LRMDA: variants seen among roughly 807,000 people sequenced by gnomAD.
The protein encoded by LRMDA is leucine-rich melanocyte differentiation-associated protein.
A neutral mutation model predicts 29.8 loss-of-function variants in LRMDA; 18 were observed. The ratio of observed to expected loss-of-function variants is 0.60; its 90% CI spans 0.42 to 0.90. LRMDA has a LOEUF of 0.90. Ranked by LOEUF, LRMDA falls within the 40% of genes least tolerant of loss-of-function variation. The pLI is 0.00. For synonymous variants in LRMDA, 125 were observed against 109.4 expected (o/e 1.14, Z -0.89); for missense variants, 273 against 273.9 (o/e 1.00, Z 0.02).
intron 6 of LRMDA, among the ~76,000 whole-genome samples, chr10:76,506,318 A>G (rs1353523494): frequency 6.6e-6 from 1 of 152,064 alleles, no homozygotes; most frequent in African/African-American, 2.4e-5. Context: ...TTTATAAGTT[A>G]GCCTTCATGT....
At chr10:76,251,313 C>T (rs1242429663) in intron 5 of LRMDA, among the ~76,000 whole-genome samples, 1 of 138,952 alleles carries the variant, frequency 7.2e-6, no homozygotes, top group African/African-American at 2.7e-5. Context: ...ACTGCAGTGG[C>T]GCAATCTCGG....
chr10:76,549,071 C>A (rs573512044), intron 6 of LRMDA, among the ~76,000 whole-genome samples: 1 of 152,060 alleles, frequency 6.6e-6, no homozygotes, highest in South Asian at 2.1e-4. Context: ...AGGAACTTGC[C>A]CTGCATTTTT....
intron 6 of LRMDA, among the ~76,000 whole-genome samples, chr10:76,521,412 G>T (rs1044322674): frequency 4.6e-5 from 7 of 152,180 alleles, no homozygotes; most frequent in African/African-American, 1.7e-4. Flanking sequence ...GGGATTACAG[G>T]CGTGAGCCAC....
intron 2 of LRMDA, among the ~76,000 whole-genome samples, chr10:75,514,833 A>G (rs933099965): frequency 7.9e-5 from 12 of 151,732 alleles, no homozygotes; most frequent in African/African-American, 2.9e-4. Flanking sequence ...TTTATAAATT[A>G]CCCACCTAAC....
chr10:76,491,873 T>C (rs1842837050), intron 6 of LRMDA, among the ~76,000 whole-genome samples: 1 of 152,028 alleles, frequency 6.6e-6, no homozygotes, highest in Non-Finnish European at 1.5e-5. Context: ...TTTTTATTCT[T>C]TGTTAATCTT....
intron 5 of LRMDA, among the ~76,000 whole-genome samples, chr10:76,110,004 C>T (rs897114781): frequency 6.6e-6 from 1 of 152,124 alleles, no homozygotes; most frequent in African/African-American, 2.4e-5. Flanking sequence ...TCATTCACAT[C>T]CAGGTTTTCA....
At chr10:76,033,404 T>C (rs1215218874) in intron 2 of LRMDA, among the ~76,000 whole-genome samples, 1 of 152,210 alleles carries the variant, frequency 6.6e-6, no homozygotes, top group Non-Finnish European at 1.5e-5. Flanking sequence ...TTACCAGCTC[T>C]TCTGGGAAGT....
intron 6 of LRMDA, among the ~76,000 whole-genome samples, chr10:76,501,088 T>A (rs1842905319): frequency 1.3e-5 from 1 of 74,974 alleles, no homozygotes; most frequent in African/African-American, 3.2e-5. Context: ...TGTCTATGTG[T>A]ACTCAGTTCT....
intron 5 of LRMDA, among the ~76,000 whole-genome samples, chr10:76,172,226 C>A (rs1850852392): frequency 6.6e-6 from 1 of 152,200 alleles, no homozygotes; most frequent in Non-Finnish European, 1.5e-5. Context: ...AACACTGCCA[C>A]ATTGGGGATC....
At chr10:76,078,536 G>A (rs1041683570) in intron 5 of LRMDA, among the ~76,000 whole-genome samples, 1 of 151,790 alleles carries the variant, frequency 6.6e-6, no homozygotes, top group African/African-American at 2.4e-5. Context: ...CCACCAAACA[G>A]CTTAAAAGGA....
At chr10:75,853,433 G>GGT (rs3042495) in intron 2 of LRMDA, among the ~76,000 whole-genome samples, 7,560 of 147,518 alleles carry the variant, frequency 0.051, 349 homozygotes, top group African/African-American at 0.12. Flanking sequence ...AAAGAAGAGG[G>GGT]GTGTGTGTGT....
chr10:76,081,222 T>A (rs1307112740), intron 5 of LRMDA, among the ~76,000 whole-genome samples: 2 of 152,152 alleles, frequency 1.3e-5, no homozygotes, highest in Non-Finnish European at 2.9e-5. Flanking sequence ...ATGCCTGTAA[T>A]CCCAGCACTT....
At chr10:76,143,230 T>C (rs939202672) in intron 5 of LRMDA, among the ~76,000 whole-genome samples, 3 of 152,202 alleles carry the variant, frequency 2.0e-5, no homozygotes, top group African/African-American at 7.2e-5. Flanking sequence ...CTGGGTCAAA[T>C]GGCATTTCTA....
rs538719951 is a variant in LRMDA, at chr10:75,753,059, G to A, written c.132-282949G>A. 7.2e-5 allele frequency among the ~76,000 whole-genome samples: 11 copies of A among 152,296 alleles called. No homozygotes were observed. The South Asian group carries it at 8.3e-4, about 11-fold the overall frequency. The stretch of plus-strand genomic sequence containing the variant: ...GAGGGCACCATGCTGTGTATTAATC[G>A]TAGTGGCAGATGAGTTGACTTTTTT... On this transcript the variant is annotated intron_variant, in intron 2 of 6. Transcript: ENST00000611255.
At chr10:76,063,037 C>A (rs1314048847) in intron 5 of LRMDA, among the ~76,000 whole-genome samples, 1 of 152,192 alleles carries the variant, frequency 6.6e-6, no homozygotes, top group Non-Finnish European at 1.5e-5. Flanking sequence ...TGTAATTATT[C>A]ATCCCTGTTC....
chr10:75,745,705 C>T (rs1842882689), intron 2 of LRMDA, among the ~76,000 whole-genome samples: 2 of 152,094 alleles, frequency 1.3e-5, no homozygotes, highest in African/African-American at 4.8e-5. Context: ...CTGGTTTTTC[C>T]ATTTCTGTCC....
In LRMDA at chr10:76,315,296, C is replaced by G. The variant is rs143247810; in HGVS notation, c.517-9105C>G. 5.9e-5 allele frequency among the ~76,000 whole-genome samples: 9 copies of G among 152,232 alleles called. No homozygotes were observed. In the East Asian group the frequency reaches 1.4e-3, roughly 23 times the overall value. On this transcript the variant is annotated intron_variant, in intron 5 of 6. Coordinates refer to ENST00000611255, the MANE Select transcript of LRMDA (RefSeq NM_001305581.2). The stretch of plus-strand genomic sequence containing the variant: ...CCAGGAACAGACAAGAGCCCCACCC[C>G]CTAACCAGTTGAAGGGGCGGGAGCC...
intron 5 of LRMDA, among the ~76,000 whole-genome samples, chr10:76,311,298 C>T (rs930367824): frequency 6.6e-6 from 1 of 151,930 alleles, no homozygotes; most frequent in African/African-American, 2.4e-5. Context: ...ACAAAAGTTC[C>T]TTGCATATTA....
intron 2 of LRMDA, among the ~76,000 whole-genome samples, chr10:75,855,388 A>G (rs1205518235): frequency 1.3e-5 from 2 of 152,244 alleles, no homozygotes; most frequent in African/African-American, 2.4e-5. Flanking sequence ...GTCTGTTCAT[A>G]TCCTTCGCCC....
Sources: gnomAD v4.1 joint callset for allele counts (sites outside exome capture counted in the v4.1 genomes callset) on GRCh38, gnomAD v4.1.1 for gene constraint, MANE v1.5 for transcripts, NCBI Gene and HGNC (gene_info 2026-07-23, HGNC 2026-07-21) for gene names.